The following PLA2G5 variants were observed in gnomAD, a reference collection of about 807,000 sequenced individuals.
PLA2G5 encodes the protein phospholipase A2 group V.
A neutral mutation model predicts 15.9 loss-of-function variants in PLA2G5; 12 were observed. The observed-to-expected ratio is 0.76, with a 90% confidence interval of 0.48 to 1.23. The LOEUF is 1.23. PLA2G5 is among the 50% of genes most tolerant of loss of function. The pLI is 0.00. For synonymous variants in PLA2G5, 71 were observed against 71.4 expected, an observed-to-expected ratio of 0.99 and a Z score of 0.03; for missense variants, 169 against 177.1, an observed-to-expected ratio of 0.95 and a Z score of 0.26.
chr1:20,068,310 C>T (rs966758196), upstream of PLA2G5, among the ~76,000 whole-genome samples: 5 of 151,786 alleles, frequency 3.3e-5, no homozygotes, highest in South Asian at 2.1e-4. Flanking sequence ...TGTAAAACCC[C>T]GAAATTTAGA....
In PLA2G5 at chr1:20,086,088, C is replaced by G. The variant is rs766367645; in HGVS notation, c.46C>G (p.Pro16Ala). 3.1e-6 allele frequency: 5 copies of G among 1,613,936 alleles called. No individual in the cohort carries two copies. The Admixed American group carries it at 6.7e-5, about 22-fold the overall frequency. ...GGACATGGGCTATCTTCCAGGTGTG[C>G]CTGCTGTGCAAGGAGGCTTGCTGGA... Reference protein sequence around the residue: ...PLAWFLACSVPAVQGGLLDLK... With the variant: ...PLAWFLACSVAAVQGGLLDLK... Residue 16 changes from proline to alanine, a missense_variant, in exon 3 of 5, where the codon CCT becomes GCT. Physicochemically the swap from Pro to Ala is conservative, Grantham distance 27. Transcript: ENST00000375108.
chr1:20,039,825 T>G (rs1200329184), intron 1 of PLA2G5, among the ~76,000 whole-genome samples: 1 of 152,196 alleles, frequency 6.6e-6, no homozygotes, highest in Non-Finnish European at 1.5e-5. Context: ...GAATAGACCT[T>G]CAGCATTAGC....
rs149842558 is a variant in PLA2G5, at chr1:20,060,858, C to G, written n.337+1166C>G. On this transcript the variant is annotated intron_variant and non_coding_transcript_variant, in intron 2 of 6. Transcript: ENST00000460175. ...TCAGACCCCTGAGTAGCTGGGATTACAGGCATGAGCCACCATGCCCAGCTA... is the reference window on the plus strand; with the variant it reads ...TCAGACCCCTGAGTAGCTGGGATTAGAGGCATGAGCCACCATGCCCAGCTA... 2.8e-3 allele frequency among the ~76,000 whole-genome samples: 431 copies of G among 151,938 alleles called. 2 individuals carry two copies. Among genetic ancestry groups the G allele is most frequent in the African/African-American group, 9.2e-3 (381 of 41,392 alleles).
intron 1 of PLA2G5, among the ~76,000 whole-genome samples, chr1:20,045,464 G>A (rs555233118): frequency 6.6e-6 from 1 of 152,282 alleles, no homozygotes; most frequent in East Asian, 1.9e-4. Context: ...TTCGTGACTG[G>A]CACTGGAGTT....
rs1385628601 is a variant in PLA2G5 at position 20,091,692 on chromosome 1, AC to A, written c.*1003del. Among the ~76,000 whole-genome samples the A allele has an allele frequency of 2.6e-5, 4 of 152,014 alleles. No homozygotes were observed. Among genetic ancestry groups the A allele is most frequent in the Admixed American group, 2.6e-4 (4 of 15,250 alleles). On this transcript the variant is annotated 3_prime_UTR_variant, in exon 5 of 5. Transcript: ENST00000375108. ...CAAAGTAAGGACATTAAAAAAACCAACCCGTCTATCAATTCATAAAAGAAAG... is the reference window on the plus strand; with the variant it reads ...CAAAGTAAGGACATTAAAAAAACCAACCGTCTATCAATTCATAAAAGAAAG...
chr1:20,065,999 G>T (rs911521298), upstream of PLA2G5: 7 of 152,294 alleles, frequency 4.6e-5, no homozygotes, highest in African/African-American at 1.2e-4. Flanking sequence ...ATGCACAAAA[G>T]AAACTGTCAA....
At chr1:20,066,598 C>T (rs1212342439), upstream of PLA2G5, among the ~76,000 whole-genome samples, 1 of 152,194 alleles carries the variant, frequency 6.6e-6, no homozygotes, top group Non-Finnish European at 1.5e-5. Flanking sequence ...TATGAACTTT[C>T]TATTGAATCA....
chr1:20,090,530 C>G, intron 4 of PLA2G5, 38 bp from the exon 5 acceptor site: 1 of 1,612,794 alleles, frequency 6.2e-7, no homozygotes, highest in South Asian at 1.1e-5. Flanking sequence ...GGAGCATGCT[C>G]TTCCCACCCT....
rs1332920433 is a variant in PLA2G5, at chr1:20,090,601, C to T, written c.326C>T (p.Ala109Val). Reference protein sequence around the residue: ...PGPFCHVNLCACDRKLVYCLK... With the variant: ...PGPFCHVNLCVCDRKLVYCLK... ...CCCTTCTGCCATGTGAACCTCTGTG[C>T]CTGTGACCGGAAGCTCGTCTACTGC... Residue 109 changes from alanine (A) to valine (V), a missense_variant, in exon 5 of 5, where the codon GCC becomes GTC. Ala to Val is a moderately conservative substitution (Grantham distance 64). Transcript: ENST00000375108. The T allele has an allele frequency of 8.7e-6, 14 of 1,613,810 alleles. No homozygotes were observed. Among genetic ancestry groups the T allele is most frequent in the Non-Finnish European group, 1.2e-5 (14 of 1,179,826 alleles).
chr1:20,058,123 A>G (rs1477557448), intron 1 of PLA2G5, among the ~76,000 whole-genome samples: 1 of 152,242 alleles, frequency 6.6e-6, no homozygotes, highest in Non-Finnish European at 1.5e-5. Context: ...GAAGTATTCT[A>G]TAAATGTCAT....
intron 1 of PLA2G5, among the ~76,000 whole-genome samples, chr1:20,050,253 T>G (rs2014118506): frequency 6.6e-6 from 1 of 152,174 alleles, no homozygotes; most frequent in South Asian, 2.1e-4. Flanking sequence ...TCCTGCTAGA[T>G]CTTAAACACT....
chr1:20,075,395 T>C (rs1435722127), intron 1 of PLA2G5, among the ~76,000 whole-genome samples: 2 of 152,234 alleles, frequency 1.3e-5, no homozygotes, highest in African/African-American at 2.4e-5. Flanking sequence ...TGTCCCACCA[T>C]CCTGTTAAAA....
chr1:20,061,848 G>A (rs2014750546), intron 2 of PLA2G5, among the ~76,000 whole-genome samples: 1 of 152,158 alleles, frequency 6.6e-6, no homozygotes, highest in Non-Finnish European at 1.5e-5. Flanking sequence ...CAAAGCCTGG[G>A]GGTCTCTAAG....
intron 1 of PLA2G5, among the ~76,000 whole-genome samples, chr1:20,042,791 C>A (rs1774144): frequency 6.6e-6 from 1 of 151,978 alleles, no homozygotes; most frequent in East Asian, 1.9e-4. Flanking sequence ...AGCAGGGAGA[C>A]CACGTGTGTT....
At chr1:20,055,975 T>A (rs1316024787) in intron 1 of PLA2G5, among the ~76,000 whole-genome samples, 1 of 152,170 alleles carries the variant, frequency 6.6e-6, no homozygotes, top group Non-Finnish European at 1.5e-5. Context: ...TTAGGAGTTA[T>A]CTGGGTAAGT....
At chr1:20,037,482 T>G (rs1296872904) in intron 1 of PLA2G5, among the ~76,000 whole-genome samples, 2 of 152,208 alleles carry the variant, frequency 1.3e-5, no homozygotes, top group African/African-American at 2.4e-5. Context: ...GAGGACTCTG[T>G]GAGGGTCCTT....
At chr1:20,090,167 A>T (rs2016498119) in intron 4 of PLA2G5, among the ~76,000 whole-genome samples, 2 of 152,164 alleles carry the variant, frequency 1.3e-5, no homozygotes, top group African/African-American at 4.8e-5. Context: ...TTTAGACATC[A>T]AGAAATGGAA....
intron 1 of PLA2G5, among the ~76,000 whole-genome samples, chr1:20,071,900 G>A (rs1379220959): frequency 2.0e-5 from 3 of 152,116 alleles, no homozygotes; most frequent in Non-Finnish European, 2.9e-5. Flanking sequence ...TTGAGGCCAG[G>A]AGATCGAGAC....
intron 1 of PLA2G5, among the ~76,000 whole-genome samples, chr1:20,050,106 G>T (rs992928094): frequency 1.3e-5 from 2 of 152,044 alleles, no homozygotes; most frequent in Non-Finnish European, 2.9e-5. Context: ...ATTAAGTTTT[G>T]GTTTGCTTAG....
Sources: gnomAD v4.1 joint callset for allele counts (sites outside exome capture counted in the v4.1 genomes callset) on GRCh38, gnomAD v4.1.1 for gene constraint, MANE v1.5 for transcripts, NCBI Gene and HGNC (gene_info 2026-07-23, HGNC 2026-07-21) for gene names.